Variants in PSTK observed in about 807,000 individuals in gnomAD.
PSTK encodes phosphoseryl-tRNA kinase, also known as L-seryl-tRNA(Sec) kinase.
PSTK carries 26 observed loss-of-function variants against 38.6 expected under a neutral mutation model. The ratio of observed to expected loss-of-function variants is 0.67; its 90% CI spans 0.49 to 0.94. PSTK has a LOEUF of 0.94. Ranked by LOEUF, PSTK falls within the 40% of genes least tolerant of loss-of-function variation. The pLI is 0.00. For missense variants in PSTK, 445 were observed against 436.3 expected, an observed-to-expected ratio of 1.02 and a Z score of -0.18; for synonymous variants, 181 against 161.7, an observed-to-expected ratio of 1.12 and a Z score of -0.91.
chr10:122,986,524 C>T, intron 4 of PSTK, 149 bp downstream of exon 4: 3 of 657,800 alleles, frequency 4.6e-6, no homozygotes, highest in South Asian at 3.6e-5. Context: ...ACAGCTCATG[C>T]CGGCTGGGCA....
intron 5 of PSTK, 65 bp downstream of exon 5, chr10:122,987,027 C>A: frequency 9.4e-7 from 1 of 1,063,874 alleles, no homozygotes; most frequent in Non-Finnish European, 1.5e-6. Context: ...CTGTTATTCC[C>A]GACACTCAGA....
chr10:122,981,184 CA>C (rs1418475575), intron 1 of PSTK, among the ~76,000 whole-genome samples: 1 of 152,114 alleles, frequency 6.6e-6, no homozygotes, highest in Non-Finnish European at 1.5e-5. Flanking sequence ...CTATAAGTAA[CA>C]AAATTTCTGG....
At position 122,980,450 on chromosome 10, in the gene PSTK, T is replaced by G; in HGVS notation, c.-30T>G. The G allele has an allele frequency of 6.4e-7, 1 of 1,560,762 alleles. No individual in the cohort carries two copies. Among genetic ancestry groups the G allele is most frequent in the Non-Finnish European group, 8.6e-7 (1 of 1,157,066 alleles). ...GCAGACGGTAGAGCGGAGACGACGC[T>G]CCCAGACTCCTCCGGTCTCCCCGGG... On this transcript the variant is annotated 5_prime_UTR_variant, in exon 1 of 6. Coordinates refer to ENST00000406217, the MANE Select transcript of PSTK (RefSeq NM_001363531.2). The surrounding 1 kb of genome is among the most constrained non-coding windows in gnomAD (Gnocchi z 4.3).
chr10:122,987,496 CG>C, intron 5 of PSTK: 1 of 1,613,010 alleles, frequency 6.2e-7, no homozygotes, highest in East Asian at 2.2e-5. Flanking sequence ...CCATTGAGCA[CG>C]GGGTGAGGTA....
rs1463001960 is a variant in PSTK, at chr10:122,980,660, G to A, written c.181G>A (p.Asp61Asn). 1.9e-6 allele frequency: 3 copies of A among 1,597,684 alleles called. No homozygotes were observed. Among genetic ancestry groups the A allele is most frequent in the African/African-American group, 2.7e-5 (2 of 73,362 alleles). Residue 61 changes from aspartate to asparagine, a missense_variant, in exon 1 of 6, where the codon GAC becomes AAC. Asp to Asn is a conservative substitution (Grantham distance 23). Transcript: ENST00000406217. The surrounding 1 kb of genome is among the most constrained non-coding windows in gnomAD (Gnocchi z 4.3). ...TGTCGCGTATGATGACGTCATGCCC[G>A]ACGCGTTTCTCGCCGGGGCAAGAGC... ...GVVAYDDVMP[D>N]AFLAGARARP... is the part of the protein sequence containing the mutation.
At chr10:122,987,019 G>A in intron 5 of PSTK, 57 bp downstream of exon 5, 3 of 1,113,214 alleles carry the variant, frequency 2.7e-6, no homozygotes, top group South Asian at 1.3e-5. Flanking sequence ...TACTGCTACT[G>A]TTATTCCCGA....
Position 122,980,740 on chromosome 10 carries a change from C to CGGGGCGGGGCGGGGA in PSTK, c.216+59_216+60insAGGGGCGGGGCGGGG. Reference sequence around the variant, plus strand: ...GCCTGGGCCGCGGGGCGGGGCGGGGCGGGGCGGGGCGGGGCGGGGACACTC... The same window carrying CGGGGCGGGGCGGGGA: ...GCCTGGGCCGCGGGGCGGGGCGGGGCGGGGCGGGGCGGGGAGGGGCGGGGCGGGGCGGGGACACTC... On this transcript the variant is annotated intron_variant, in intron 1 of 5. Coordinates refer to ENST00000406217, the MANE Select transcript of PSTK (RefSeq NM_001363531.2). This position sits in a 1 kb window ranked among gnomAD's most constrained non-coding sequence, Gnocchi z 4.3. 1.1e-5 allele frequency: 1 copy of CGGGGCGGGGCGGGGA among 88,936 alleles called. No individual in the cohort carries two copies. Among genetic ancestry groups the CGGGGCGGGGCGGGGA allele is most frequent in the South Asian group, 3.5e-4 (1 of 2,880 alleles). The allele number at this position is 88,936 out of a possible 1,614,324, so 5.5% of individuals were successfully genotyped here. A position where few individuals can be genotyped will look rare whatever the true frequency, so the allele number is the denominator to read the frequency against.
Position 122,990,157 on chromosome 10 carries a change from AT to A in PSTK, c.878-16del. On this transcript the variant is annotated splice_polypyrimidine_tract_variant and intron_variant, in intron 5 of 5. Coordinates refer to ENST00000406217, the MANE Select transcript of PSTK (RefSeq NM_001363531.2). Reference sequence around the variant, plus strand: ...TTTAATTTACACCAGTAATTTGAGAATATCTTTTTATTTTAGATGAACAAGT... The same window carrying A: ...TTTAATTTACACCAGTAATTTGAGAAATCTTTTTATTTTAGATGAACAAGT... 6.7e-7 allele frequency: 1 copy of A among 1,493,560 alleles called. No homozygotes were observed. Among genetic ancestry groups the A allele is most frequent in the Non-Finnish European group, 8.9e-7 (1 of 1,119,786 alleles). 92.5% of individuals were successfully genotyped at this position (1,493,560 alleles called of 1,614,324 possible). A position where few individuals can be genotyped will look rare whatever the true frequency, so the allele number is the denominator to read the frequency against.
At chr10:122,990,111 T>G in intron 5 of PSTK, 63 bp from the exon 6 acceptor site, 2 of 1,089,724 alleles carry the variant, frequency 1.8e-6, no homozygotes, top group African/African-American at 1.6e-5. Flanking sequence ...TTTCCTAATG[T>G]CATTAGACAC....
intron 5 of PSTK, among the ~76,000 whole-genome samples, chr10:122,987,856 G>A (rs1589709221): frequency 6.6e-6 from 1 of 152,214 alleles, no homozygotes; most frequent in South Asian, 2.1e-4. Flanking sequence ...TAAATATTTG[G>A]GTAACCTGGG....
chr10:122,980,552 G>C lies in PSTK; in HGVS notation c.73G>C (p.Gly25Arg), dbSNP rs767849918. ...GAAACGAGGCCTCTGCGTCCTCTGT[G>C]GCCTCCCCGCGGCAGGAAAATCGAC... ...PRKRGLCVLC[G>R]LPAAGKSTFA... Residue 25 changes from glycine (G) to arginine (R), a missense_variant, in exon 1 of 6, where the codon GGC (glycine) becomes CGC (arginine). Coordinates refer to ENST00000406217, the MANE Select transcript of PSTK (RefSeq NM_001363531.2). The surrounding 1 kb of genome is among the most constrained non-coding windows in gnomAD (Gnocchi z 4.3). 6.2e-7 allele frequency: 1 copy of C among 1,611,740 alleles called. No homozygotes were observed. Among genetic ancestry groups the C allele is most frequent in the Non-Finnish European group, 8.5e-7 (1 of 1,179,612 alleles).
At position 122,980,469 on chromosome 10, in the gene PSTK, C is replaced by A. The variant is rs759289297; in HGVS notation, c.-11C>A. ...CGACGCTCCCAGACTCCTCCGGTCT[C>A]CCCGGGCAGCATGAAGACCGCCGAG... is the stretch of plus-strand genomic sequence containing the variant. On this transcript the variant is annotated 5_prime_UTR_variant, in exon 1 of 6. Transcript: ENST00000406217. This position sits in a 1 kb window ranked among gnomAD's most constrained non-coding sequence, Gnocchi z 4.3. The A allele has an allele frequency of 1.9e-6, 3 of 1,586,184 alleles. No individual in the cohort carries two copies. Among genetic ancestry groups the A allele is most frequent in the East Asian group, 2.3e-5 (1 of 43,220 alleles).
At chr10:122,986,180 C>T (rs1190649441) in intron 3 of PSTK, 120 bp from the exon 4 acceptor site, 5 of 541,160 alleles carry the variant, frequency 9.2e-6, no homozygotes, top group African/African-American at 2.0e-5. Context: ...GAGATCACGC[C>T]GCTGCACTCC....
chr10:122,983,508 G>A (rs374303645), intron 3 of PSTK, 38 bp downstream of exon 3: 5 of 1,573,746 alleles, frequency 3.2e-6, no homozygotes, highest in Non-Finnish European at 4.4e-6. Flanking sequence ...ATGCTCCCCT[G>A]TGCCAGGTAT....
intron 5 of PSTK, chr10:122,987,247 A>G (rs1849047574): frequency 2.7e-6 from 4 of 1,490,186 alleles, no homozygotes; most frequent in African/African-American, 1.4e-5. Flanking sequence ...CAGACAAAAC[A>G]TGATTACATG....
chr10:122,985,548 C>CGAA (rs1337494955), intron 3 of PSTK: 5 of 152,182 alleles, frequency 3.3e-5, no homozygotes, highest in African/African-American at 1.2e-4. Flanking sequence ...TGAATGAATT[C>CGAA]TACCTGAAAC....
Position 122,983,464 on chromosome 10 carries a change from A to T in PSTK, c.701A>T (p.Glu234Val), listed in dbSNP as rs774393439. Reference protein sequence around the residue: ...LTIPSPACASEASLEVTDLLL... With the variant: ...LTIPSPACASVASLEVTDLLL... ...ATTCCGAGTCCAGCATGTGCTTCGG[A>T]GGCCAGGTATTCCACTCAATCATCC... The change falls in exon 3 of 6, where the codon GAG (glutamate) becomes GTG (valine). Residue 234 changes from glutamate to valine, a missense_variant. Physicochemically the swap from Glu to Val is moderately radical, Grantham distance 121 (BLOSUM62 -2). Coordinates refer to ENST00000406217, the MANE Select transcript of PSTK (RefSeq NM_001363531.2). 2 of 1,612,546 alleles carry T rather than the reference A, an allele frequency of 1.2e-6. No individual in the cohort carries two copies. Among genetic ancestry groups the T allele is most frequent in the Admixed American group, 3.3e-5 (2 of 59,992 alleles).
chr10:122,982,598 C>T, intron 1 of PSTK, 135 bp from the exon 2 acceptor site: 1 of 678,108 alleles, frequency 1.5e-6, no homozygotes, highest in South Asian at 1.8e-5. Flanking sequence ...TCATGTGAAA[C>T]CAGGTGTGTT....
In PSTK at chr10:122,980,711, C is replaced by T. The variant is rs1848945678; in HGVS notation, c.216+16C>T. ...GCGACCGGCGGTCAGCACGGAGGGG[C>T]GGGGCCTGGGCCGCGGGGCGGGGCG... On this transcript the variant is annotated intron_variant, in intron 1 of 5. Transcript: ENST00000406217. This position sits in a 1 kb window ranked among gnomAD's most constrained non-coding sequence, Gnocchi z 4.3. 3 of 905,768 alleles carry T rather than the reference C, an allele frequency of 3.3e-6. No individual in the cohort carries two copies. Among genetic ancestry groups the T allele is most frequent in the African/African-American group, 7.1e-5 (2 of 28,124 alleles). The allele number at this position is 905,768 out of a possible 1,614,324, so 56.1% of individuals were successfully genotyped here.
Sources: gnomAD v4.1 joint callset for allele counts (sites outside exome capture counted in the v4.1 genomes callset) on GRCh38, gnomAD v4.1.1 for gene constraint, Gnocchi (gnomAD v3.1) non-coding constraint, MANE v1.5 for transcripts, NCBI Gene and HGNC (gene_info 2026-07-23, HGNC 2026-07-21) for gene names.